PHF6: variants seen among roughly 807,000 people sequenced by gnomAD.
PHF6 encodes the protein PHD-like zinc finger protein.
A neutral mutation model predicts 34.0 loss-of-function variants in PHF6; 7 were observed. The ratio of observed to expected loss-of-function variants is 0.21; its 90% CI spans 0.12 to 0.39. The LOEUF (loss-of-function observed/expected upper bound fraction) is 0.39, where lower values mean the gene tolerates loss of function less well. PHF6 is among the 10% of genes least tolerant of loss of function. The probability of loss-of-function intolerance (pLI) is 1.00; values close to 1 mark genes in which losing one functional copy is unlikely to be tolerated. For synonymous variants in PHF6, 89 were observed against 88.4 expected (o/e 1.01, Z -0.04); for missense variants, 128 against 262.8 (o/e 0.49, Z 3.55).
intron 1 of PHF6, among the ~76,000 whole-genome samples, chrX:134,375,138 A>T (rs1299312232): frequency 1.8e-5 from 2 of 111,961 alleles, no homozygotes; most frequent in Non-Finnish European, 3.8e-5. Context: ...CAAGGAGACT[A>T]AAAAAATTAC....
intron 5 of PHF6, among the ~76,000 whole-genome samples, chrX:134,412,148 G>A (rs2077453665): frequency 8.9e-6 from 1 of 112,432 alleles, no homozygotes; most frequent in African/African-American, 3.2e-5. Flanking sequence ...GTTAAGGAGA[G>A]AAAACATCTT....
intron 9 of PHF6, 173 bp downstream of exon 9, chrX:134,417,475 C>T: frequency 2.2e-6 from 1 of 459,858 alleles, no homozygotes. Flanking sequence ...GACTACATAT[C>T]CCTGGATTAG....
chrX:134,395,132 C>T lies in PHF6; in HGVS notation c.418+1180C>T, dbSNP rs1222359397. Among the ~76,000 whole-genome samples, 3 of 111,744 alleles carry T rather than the reference C, an allele frequency of 2.7e-5. No individual in the cohort carries two copies. The East Asian group carries it at 8.4e-4, about 31-fold the overall frequency. On this transcript the variant is annotated intron_variant, in intron 5 of 10. Coordinates refer to ENST00000370803, the MANE Select transcript of PHF6 (RefSeq NM_001015877.2). ...CCTCCCAAAGTGCTGGGATTACAGG[C>T]GTGAGCCACTGTGCTCGGCCAGCTG... is the stretch of plus-strand genomic sequence containing the variant.
intron 3 of PHF6, among the ~76,000 whole-genome samples, chrX:134,388,283 A>G (rs2077339934): frequency 9.0e-6 from 1 of 111,465 alleles, no homozygotes; most frequent in Admixed American, 9.6e-5. Context: ...TGGAGGTAGT[A>G]TTACCTGTTA....
intron 3 of PHF6, among the ~76,000 whole-genome samples, chrX:134,391,215 G>T (rs1463787881): frequency 9.0e-6 from 1 of 110,580 alleles, no homozygotes; most frequent in Non-Finnish European, 1.9e-5. Context: ...CTCAGGTGAT[G>T]CGCCCGTCTC....
chrX:134,421,417 G>A (rs988214401), intron 9 of PHF6, among the ~76,000 whole-genome samples: 1 of 111,866 alleles, frequency 8.9e-6, no homozygotes, highest in Admixed American at 9.5e-5. Flanking sequence ...CTCCATGATA[G>A]GATTCTGTGG....
At chrX:134,391,334 A>G (rs1270547801) in intron 3 of PHF6, among the ~76,000 whole-genome samples, 2 of 112,069 alleles carry the variant, frequency 1.8e-5, no homozygotes, top group Non-Finnish European at 3.8e-5. Context: ...AAATAATTCT[A>G]CAATGAATGT....
intron 10 of PHF6, 38 bp downstream of exon 10, chrX:134,425,368 A>G (rs777416388): frequency 8.4e-7 from 1 of 1,187,798 alleles, no homozygotes; most frequent in Non-Finnish European, 1.1e-6. Flanking sequence ...TTGTCAGGAT[A>G]CAATACACAC....
At position 134,413,485 on chromosome X, in the gene PHF6, AAGC is replaced by A; in HGVS notation, c.419-2_419del. The A allele has an allele frequency of 8.3e-7, 1 of 1,209,926 alleles. No homozygotes were observed. The highest frequency in any genetic ancestry group is 1.1e-6 in the Non-Finnish European group (1 of 894,237). ...CCATAAAAAGTTTTTGTTCATTTTT[AAGC>A]AGCTGATTTAGAAGAAAGTTTTAAT... On this transcript the variant is annotated splice_region_variant and splice_polypyrimidine_tract_variant and intron_variant, in intron 5 of 10. Transcript: ENST00000370803.
At chrX:134,395,452 A>G (rs1038008188) in intron 5 of PHF6, among the ~76,000 whole-genome samples, 1 of 112,389 alleles carries the variant, frequency 8.9e-6, no homozygotes, top group Admixed American at 9.5e-5. Context: ...GAAAACTCTG[A>G]TACTGAGTTC....
chrX:134,397,673 G>C (rs1227862215), intron 5 of PHF6, among the ~76,000 whole-genome samples: 1 of 111,168 alleles, frequency 9.0e-6, no homozygotes, highest in East Asian at 2.8e-4. Context: ...AAGCATTTCT[G>C]ATAAAAAAAA....
At chrX:134,386,706 G>A (rs1204519472) in intron 3 of PHF6, among the ~76,000 whole-genome samples, 4 of 111,600 alleles carry the variant, frequency 3.6e-5, no homozygotes, top group Admixed American at 2.9e-4. Flanking sequence ...GTGAGCCACC[G>A]TGCCTGGCCT....
chrX:134,407,807 GC>G (rs2077431770), intron 5 of PHF6, among the ~76,000 whole-genome samples: 1 of 111,484 alleles, frequency 9.0e-6, no homozygotes, highest in Non-Finnish European at 1.9e-5. Context: ...GAGAAAAGAA[GC>G]AGTTAACAGT....
At chrX:134,399,923 T>A (rs2077396032) in intron 5 of PHF6, among the ~76,000 whole-genome samples, 1 of 111,305 alleles carries the variant, frequency 9.0e-6, no homozygotes, top group African/African-American at 3.3e-5. Flanking sequence ...TCCCCTGTGC[T>A]CCACCTTTTC....
intron 3 of PHF6, among the ~76,000 whole-genome samples, chrX:134,386,702 C>T (rs1025999144): frequency 3.0e-4 from 33 of 111,676 alleles, no homozygotes; most frequent in African/African-American, 1.0e-3. Context: ...AGGCGTGAGC[C>T]ACCGTGCCTG....
chrX:134,378,663 C>T (rs146591512), intron 3 of PHF6, among the ~76,000 whole-genome samples: 1 of 112,700 alleles, frequency 8.9e-6, no homozygotes, highest in Non-Finnish European at 1.9e-5. Flanking sequence ...TCTTCACTAC[C>T]AATAACCATA....
At chrX:134,390,142 T>A (rs1272429547) in intron 3 of PHF6, among the ~76,000 whole-genome samples, 3 of 112,152 alleles carry the variant, frequency 2.7e-5, no homozygotes, top group African/African-American at 9.7e-5. Flanking sequence ...TAGACTAAGA[T>A]AATTTTCCCT....
chrX:134,398,728 G>A (rs181628739), intron 5 of PHF6, among the ~76,000 whole-genome samples: 24 of 111,902 alleles, frequency 2.1e-4, no homozygotes, highest in Admixed American at 1.5e-3. Context: ...AATGGGTGAC[G>A]GAGGGTGCCA....
intron 5 of PHF6, among the ~76,000 whole-genome samples, chrX:134,398,106 G>C (rs1003094406): frequency 3.6e-5 from 4 of 112,034 alleles, no homozygotes; most frequent in Non-Finnish European, 7.5e-5. Context: ...GTAAAAGATA[G>C]ATAGAGGCAG....
Sources: gnomAD v4.1 joint callset for allele counts (sites outside exome capture counted in the v4.1 genomes callset) on GRCh38, gnomAD v4.1.1 for gene constraint, MANE v1.5 for transcripts, NCBI Gene and HGNC (gene_info 2026-07-23, HGNC 2026-07-21) for gene names.